Variants in FYN observed in about 807,000 individuals in gnomAD.
FYN encodes FYN proto-oncogene, Src family tyrosine kinase.
In FYN, 10 loss-of-function variants were observed where a neutral mutation model predicts 70.2. That is an observed-to-expected ratio of 0.14 (90% CI 0.09 to 0.24). The LOEUF is 0.24. Ranked by LOEUF, FYN falls within the 10% of genes least tolerant of loss-of-function variation. The pLI, the probability that FYN is intolerant of heterozygous loss-of-function variation, is 1.00. For missense variants in FYN, 319 were observed against 673.1 expected, an observed-to-expected ratio of 0.47 and a Z score of 5.82; for synonymous variants, 236 against 248.6, an observed-to-expected ratio of 0.95 and a Z score of 0.48.
intron 3 of FYN, among the ~76,000 whole-genome samples, chr6:111,769,826 G>C (rs1472534454): frequency 6.6e-6 from 1 of 152,182 alleles, no homozygotes; most frequent in Non-Finnish European, 1.5e-5. Flanking sequence ...AAGTTTAAAA[G>C]TATGCTTTAC....
intron 2 of FYN, among the ~76,000 whole-genome samples, chr6:111,828,844 T>G (rs1772921137): frequency 6.6e-6 from 1 of 152,248 alleles, no homozygotes; most frequent in Admixed American, 6.5e-5. Flanking sequence ...TGAATACACT[T>G]AACACAACTG....
intron 1 of FYN, among the ~76,000 whole-genome samples, chr6:111,864,582 C>G (rs762873819): frequency 6.6e-5 from 10 of 151,876 alleles, no homozygotes; most frequent in Non-Finnish European, 1.3e-4. Flanking sequence ...AGGTGGTAAT[C>G]AGGTGCTCTG....
chr6:111,827,274 T>C (rs1018712179), intron 2 of FYN, among the ~76,000 whole-genome samples: 2 of 152,208 alleles, frequency 1.3e-5, no homozygotes, highest in Admixed American at 1.3e-4. Flanking sequence ...CATTATCTGT[T>C]CTCAGTCAAG....
chr6:111,762,783 G>C (rs947723863), intron 3 of FYN, among the ~76,000 whole-genome samples: 3 of 151,574 alleles, frequency 2.0e-5, no homozygotes, highest in African/African-American at 7.3e-5. Flanking sequence ...ACTAATGATA[G>C]GTGATGAGCT....
Position 111,661,649 on chromosome 6 carries a change from T to C in FYN, c.*90A>G, listed in dbSNP as rs1797735420. The C allele has an allele frequency of 5.5e-6, 7 of 1,278,672 alleles. No individual in the cohort carries two copies. In the Admixed American group the frequency reaches 8.2e-5, roughly 15 times the overall value. 79.2% of individuals were successfully genotyped at this position (1,278,672 alleles called of 1,614,324 possible). On this transcript the variant is annotated 3_prime_UTR_variant, in exon 14 of 14. Transcript: ENST00000354650. The surrounding 1 kb of genome is among the most constrained non-coding windows in gnomAD (Gnocchi z 4.0). ...GCAATCTGATCCTGGGCGGTTCCGC[T>C]GCTGGGGAGCAGCTGGCTACGGAAT...
At chr6:111,858,955 C>T (rs1211115389) in intron 1 of FYN, among the ~76,000 whole-genome samples, 2 of 151,952 alleles carry the variant, frequency 1.3e-5, no homozygotes, top group Non-Finnish European at 2.9e-5. Context: ...TATGGCTTTC[C>T]GTTTCTTGAG....
Position 111,674,487 on chromosome 6 carries a change from C to G in FYN, c.1405+12G>C. The G allele has an allele frequency of 6.2e-7, 1 of 1,608,534 alleles. No individual in the cohort carries two copies. The highest frequency in any genetic ancestry group is 1.7e-5 in the Admixed American group (1 of 59,618). On this transcript the variant is annotated intron_variant, in intron 13 of 13. Transcript: ENST00000354650. ...CAATCTCAGGCCCATGTCTGTGAGG[C>G]CCTGCTCTTACCTGGGTATGGCACT...
At chr6:111,701,857 G>T (rs1016002626) in intron 8 of FYN, among the ~76,000 whole-genome samples, 1 of 152,146 alleles carries the variant, frequency 6.6e-6, no homozygotes, top group African/African-American at 2.4e-5. Flanking sequence ...AACTAGTACT[G>T]CAAGTGCTGT....
chr6:111,816,102 G>A (rs1282508201), intron 2 of FYN, among the ~76,000 whole-genome samples: 10 of 152,102 alleles, frequency 6.6e-5, no homozygotes, highest in Non-Finnish European at 1.5e-4. Context: ...AAGCTAAATG[G>A]AGACCATATA....
chr6:111,837,955 C>T (rs1773241604), intron 2 of FYN, among the ~76,000 whole-genome samples: 1 of 152,192 alleles, frequency 6.6e-6, no homozygotes, highest in South Asian at 2.1e-4. Flanking sequence ...TTTCACTTTA[C>T]ACTCTGACTG....
intron 13 of FYN, among the ~76,000 whole-genome samples, chr6:111,670,990 T>C (rs1467515608): frequency 1.3e-5 from 2 of 152,236 alleles, no homozygotes; most frequent in Non-Finnish European, 2.9e-5. Context: ...GAACTCTTGC[T>C]TGCAGAAAAG....
At chr6:111,758,192 T>C (rs1329322084) in intron 3 of FYN, among the ~76,000 whole-genome samples, 1 of 152,228 alleles carries the variant, frequency 6.6e-6, no homozygotes, top group East Asian at 1.9e-4. Flanking sequence ...GAATAGTATA[T>C]AGCACTAAAA....
intron 3 of FYN, among the ~76,000 whole-genome samples, chr6:111,725,851 G>C (rs1801169678): frequency 6.6e-6 from 1 of 152,152 alleles, no homozygotes; most frequent in Non-Finnish European, 1.5e-5. Context: ...ATGAATGATG[G>C]GGTAGTCACT....
intron 2 of FYN, among the ~76,000 whole-genome samples, chr6:111,797,691 TATATA>T (rs1423900061): frequency 1.3e-5 from 1 of 75,748 alleles, no homozygotes; most frequent in Non-Finnish European, 2.2e-5. Context: ...TATATATATA[TATATA>T]TATATATATA....
At chr6:111,859,362 T>C (rs1425594894) in intron 1 of FYN, among the ~76,000 whole-genome samples, 2 of 152,228 alleles carry the variant, frequency 1.3e-5, no homozygotes, top group African/African-American at 2.4e-5. Context: ...AAGGGAACTA[T>C]AAACATACGT....
At chr6:111,762,981 C>G (rs528467620) in intron 3 of FYN, among the ~76,000 whole-genome samples, 1 of 152,336 alleles carries the variant, frequency 6.6e-6, no homozygotes, top group South Asian at 2.1e-4. Flanking sequence ...AAGCCTTCTT[C>G]TTGGAGGTTT....
At chr6:111,867,458 G>GA (rs373634134) in intron 1 of FYN, among the ~76,000 whole-genome samples, 1,531 of 70,034 alleles carry the variant, frequency 0.022, 15 homozygotes, top group East Asian at 0.052. Flanking sequence ...TCCGTCTCGG[G>GA]AAAAAAAAAA....
chr6:111,792,035 T>C (rs1333881385), intron 2 of FYN, among the ~76,000 whole-genome samples: 1 of 151,254 alleles, frequency 6.6e-6, no homozygotes, highest in Non-Finnish European at 1.5e-5. Flanking sequence ...AAATATAATT[T>C]GGACTATACT....
intron 8 of FYN, chr6:111,702,336 GTTTAA>G (rs1457494110): frequency 1.3e-5 from 2 of 152,150 alleles, no homozygotes; most frequent in African/African-American, 4.8e-5. Context: ...CATTATAAAA[GTTTAA>G]TTTAACACAA....
Sources: allele counts gnomAD v4.1 joint callset (sites outside exome capture counted in the v4.1 genomes callset), GRCh38; gene constraint gnomAD v4.1.1; non-coding constraint Gnocchi (gnomAD v3.1); transcripts MANE v1.5; gene names NCBI Gene and HGNC (gene_info 2026-07-23, HGNC 2026-07-21).